Variants in GRIK2 observed in about 807,000 individuals in gnomAD.
The protein encoded by GRIK2 is glutamate receptor ionotropic, kainate 2.
GRIK2 carries 32 observed loss-of-function variants against 100.3 expected under a neutral mutation model. The ratio of observed to expected loss-of-function variants is 0.32; its 90% confidence interval spans 0.24 to 0.43. The LOEUF is 0.43. GRIK2 is among the 20% of genes least tolerant of loss of function. GRIK2 has a pLI of 1.00. For missense variants in GRIK2, 843 were observed against 1,114.9 expected, an observed-to-expected ratio of 0.76 and a Z score of 3.47; for synonymous variants, 417 against 389.4, an observed-to-expected ratio of 1.07 and a Z score of -0.83.
rs1189086256 is a variant in GRIK2, at chr6:101,814,462, CAAT to C, written c.1204-3905_1204-3903del. Among the ~76,000 whole-genome samples the C allele has an allele frequency of 1.6e-4, 25 of 152,062 alleles. 1 individual carries two copies. The highest frequency in any genetic ancestry group is 7.1e-3 in the Middle Eastern group (2 of 280). ...TTGAAATAAAAACAGTTATTTTTAT[CAAT>C]AACACCATCTACAGTTAAAAGACTT... On this transcript the variant is annotated intron_variant, in intron 9 of 16. Transcript: ENST00000369134.
At chr6:101,992,664 T>A (rs1002857913) in intron 14 of GRIK2, among the ~76,000 whole-genome samples, 1 of 151,616 alleles carries the variant, frequency 6.6e-6, no homozygotes, top group African/African-American at 2.4e-5. Context: ...CAAAATCAGA[T>A]TCAGTTTGCA....
intron 4 of GRIK2, among the ~76,000 whole-genome samples, chr6:101,643,966 G>C (rs1296947246): frequency 1.3e-5 from 2 of 151,668 alleles, no homozygotes; most frequent in African/African-American, 4.8e-5. Flanking sequence ...TGCTGCTTCA[G>C]TTAGGGTCCA....
chr6:101,682,668 A>C, intron 6 of GRIK2, 62 bp downstream of exon 6: 1 of 762,144 alleles, frequency 1.3e-6, no homozygotes, highest in South Asian at 1.6e-5. Flanking sequence ...TCAGATGAAA[A>C]ATAGGTTTTT....
chr6:102,029,080 C>A (rs1455197168), intron 14 of GRIK2, among the ~76,000 whole-genome samples: 1 of 151,144 alleles, frequency 6.6e-6, no homozygotes, highest in East Asian at 1.9e-4. Context: ...TTGGCAGCAG[C>A]TATGGACAGG....
At chr6:102,059,881 T>A (rs1282289711) in intron 16 of GRIK2, among the ~76,000 whole-genome samples, 2 of 150,546 alleles carry the variant, frequency 1.3e-5, no homozygotes, top group Non-Finnish European at 3.0e-5. Context: ...ATACAAATTG[T>A]TTTTATTGAA....
chr6:101,405,080 G>GC (rs146775635), intron 2 of GRIK2, among the ~76,000 whole-genome samples: 1,947 of 152,242 alleles, frequency 0.013, 46 homozygotes, highest in African/African-American at 0.044. Flanking sequence ...AACTCTTACC[G>GC]AACAAGAATT....
chr6:101,696,126 G>A (rs558746682), intron 7 of GRIK2, among the ~76,000 whole-genome samples: 291 of 151,988 alleles, frequency 1.9e-3, no homozygotes, highest in Non-Finnish European at 3.2e-3. Flanking sequence ...ACTGTAGATT[G>A]CATCAATTTT....
chr6:101,733,213 A>T (rs967544762), intron 7 of GRIK2, among the ~76,000 whole-genome samples: 3 of 152,156 alleles, frequency 2.0e-5, no homozygotes, highest in Non-Finnish European at 4.4e-5. Context: ...TCTAAATACT[A>T]TCTAAATCAG....
At position 101,949,564 on chromosome 6, in the gene GRIK2, C is replaced by T. The variant is rs186089010; in HGVS notation, c.2085+20932C>T. Among the ~76,000 whole-genome samples, 874 of 152,066 alleles carry T rather than the reference C, an allele frequency of 5.7e-3. 9 individuals are homozygous for T. Among genetic ancestry groups the T allele is most frequent in the African/African-American group, 0.02 (831 of 41,494 alleles). On this transcript the variant is annotated intron_variant, in intron 14 of 16. Coordinates refer to ENST00000369134, the MANE Select transcript of GRIK2 (RefSeq NM_021956.5). The stretch of plus-strand genomic sequence containing the variant: ...TGATGTTCCCTGCCCTGTGTCCATG[C>T]GTTCTCATTGTTCAACTCCCACTTA...
At chr6:102,022,877 TTCTA>T (rs1769504575) in intron 14 of GRIK2, among the ~76,000 whole-genome samples, 1 of 151,606 alleles carries the variant, frequency 6.6e-6, no homozygotes, top group South Asian at 2.1e-4. Flanking sequence ...GAGCCATGTT[TTCTA>T]TCTTAAGAGT....
chr6:101,832,139 G>A (rs909186507), intron 10 of GRIK2, among the ~76,000 whole-genome samples: 2 of 151,748 alleles, frequency 1.3e-5, no homozygotes, highest in African/African-American at 2.4e-5. Flanking sequence ...TACAAATAAT[G>A]TAATAATCTT....
At chr6:101,589,414 G>A (rs1778537791) in intron 2 of GRIK2, among the ~76,000 whole-genome samples, 1 of 152,060 alleles carries the variant, frequency 6.6e-6, no homozygotes, top group Non-Finnish European at 1.5e-5. Flanking sequence ...CCTATCGGAA[G>A]TTTTGTAACC....
chr6:102,002,304 G>GTA (rs1273882364), intron 14 of GRIK2, among the ~76,000 whole-genome samples: 5 of 147,486 alleles, frequency 3.4e-5, no homozygotes, highest in East Asian at 2.0e-4. Context: ...GTGTGTGTGT[G>GTA]TATATATATA....
intron 2 of GRIK2, chr6:101,430,917 A>T (rs1769346127): frequency 2.9e-6 from 1 of 340,338 alleles, no homozygotes; most frequent in Non-Finnish European, 6.0e-6. Context: ...GAGGATCTTC[A>T]TGAGGTCCAG....
intron 2 of GRIK2, among the ~76,000 whole-genome samples, chr6:101,433,977 TAATAGTGCATGACCTGTC>T (rs1236847897): frequency 6.6e-6 from 1 of 152,194 alleles, no homozygotes. Flanking sequence ...ATGCTAGAAT[TAATAGTGCATGACCTGTC>T]ACTGCAACGA....
At chr6:101,880,686 C>T (rs1291279755) in intron 11 of GRIK2, among the ~76,000 whole-genome samples, 2 of 151,748 alleles carry the variant, frequency 1.3e-5, no homozygotes, top group Admixed American at 6.6e-5. Context: ...GTCTTAGTTC[C>T]AAGTCTTATT....
chr6:102,002,159 C>G (rs1339193060), intron 14 of GRIK2, among the ~76,000 whole-genome samples: 1 of 150,238 alleles, frequency 6.7e-6, no homozygotes, highest in African/African-American at 2.4e-5. Flanking sequence ...GATACTAGCC[C>G]TATTGATATT....
At chr6:101,981,652 G>A (rs1479343888) in intron 14 of GRIK2, among the ~76,000 whole-genome samples, 1 of 151,818 alleles carries the variant, frequency 6.6e-6, no homozygotes, top group East Asian at 1.9e-4. Context: ...AATACAAAAT[G>A]GGAAATCAAG....
At chr6:101,486,597 G>A (rs1772848611) in intron 2 of GRIK2, among the ~76,000 whole-genome samples, 1 of 152,068 alleles carries the variant, frequency 6.6e-6, no homozygotes, top group African/African-American at 2.4e-5. Context: ...AAATTGGAGG[G>A]GGAGAGCCCT....
Sources: allele counts gnomAD v4.1 joint callset (sites outside exome capture counted in the v4.1 genomes callset), GRCh38; gene constraint gnomAD v4.1.1; transcripts MANE v1.5; gene names NCBI Gene and HGNC (gene_info 2026-07-23, HGNC 2026-07-21).